MALRD1: variants seen among roughly 807,000 people sequenced by gnomAD.
MALRD1 encodes the protein MAM and LDL-receptor class A domain-containing protein 1.
In MALRD1, 247 loss-of-function variants were observed where a neutral mutation model predicts 242.1. That is an observed-to-expected ratio of 1.02 (90% CI 0.92 to 1.13). The LOEUF is 1.13. MALRD1 is among the 50% of genes most tolerant of loss of function. MALRD1 has a pLI of 0.00. For synonymous variants in MALRD1, 995 were observed against 866.6 expected (o/e 1.15, Z -2.60); for missense variants, 2,989 against 2,533.1 (o/e 1.18, Z -3.86).
intron 1 of MALRD1, among the ~76,000 whole-genome samples, chr10:19,052,353 GTTACTTTT>G (rs1834533966): frequency 2.0e-5 from 3 of 152,122 alleles, no homozygotes; most frequent in Admixed American, 2.0e-4. Flanking sequence ...TACTGTAAAT[GTTACTTTT>G]TTTTGTCCAT....
chr10:19,695,573 G>A (rs1419444567), intron 38 of MALRD1, among the ~76,000 whole-genome samples: 1 of 147,304 alleles, frequency 6.8e-6, no homozygotes, highest in Admixed American at 6.9e-5. Context: ...AGGCTGGAGT[G>A]CAGTGGCACA....
At chr10:19,427,058 T>C (rs10508584) in intron 28 of MALRD1, among the ~76,000 whole-genome samples, 29,851 of 152,164 alleles carry the variant, frequency 0.2, 3,837 homozygotes, top group African/African-American at 0.37. Flanking sequence ...AATTTTTACA[T>C]GAATTTTCTC....
At chr10:19,466,239 G>A (rs1194536573) in intron 29 of MALRD1, among the ~76,000 whole-genome samples, 2 of 151,970 alleles carry the variant, frequency 1.3e-5, no homozygotes, top group Non-Finnish European at 2.9e-5. Flanking sequence ...TTTTTTATAA[G>A]ATAATGTAAA....
At chr10:19,693,520 G>C (rs1337135118) in intron 38 of MALRD1, among the ~76,000 whole-genome samples, 1 of 152,124 alleles carries the variant, frequency 6.6e-6, no homozygotes, top group Non-Finnish European at 1.5e-5. Flanking sequence ...ACTTACAAGG[G>C]ATGTGAAGGA....
chr10:19,497,539 T>G (rs1837777492), intron 30 of MALRD1, among the ~76,000 whole-genome samples: 1 of 152,088 alleles, frequency 6.6e-6, no homozygotes, highest in South Asian at 2.1e-4. Flanking sequence ...ATATTAAAGC[T>G]TTGCTTGCTA....
chr10:19,666,706 A>G (rs1475648631), intron 36 of MALRD1, among the ~76,000 whole-genome samples: 2 of 152,220 alleles, frequency 1.3e-5, no homozygotes, highest in Admixed American at 6.5e-5. Context: ...TAGAGCAGCT[A>G]AAGTAGATGG....
intron 32 of MALRD1, among the ~76,000 whole-genome samples, chr10:19,548,290 C>T (rs1275111228): frequency 2.0e-5 from 3 of 152,020 alleles, no homozygotes; most frequent in African/African-American, 4.8e-5. Flanking sequence ...TGAACCACCA[C>T]GCCTGGCCTA....
chr10:19,453,132 A>G (rs1174546681), intron 29 of MALRD1, among the ~76,000 whole-genome samples: 1 of 152,214 alleles, frequency 6.6e-6, no homozygotes, highest in African/African-American at 2.4e-5. Context: ...GCCCTGTATT[A>G]GGAAACCAAC....
At chr10:19,124,259 C>A (rs1305987013) in intron 6 of MALRD1, among the ~76,000 whole-genome samples, 1 of 152,030 alleles carries the variant, frequency 6.6e-6, no homozygotes, top group Non-Finnish European at 1.5e-5. Flanking sequence ...GTGACACATA[C>A]AACAAAAACT....
chr10:19,272,278 T>C (rs1840285756), intron 19 of MALRD1, among the ~76,000 whole-genome samples: 1 of 152,078 alleles, frequency 6.6e-6, no homozygotes, highest in Admixed American at 6.5e-5. Context: ...AATTTTTTTT[T>C]ATTTTGAAGG....
intron 33 of MALRD1, among the ~76,000 whole-genome samples, chr10:19,588,962 C>G (rs1476151789): frequency 1.3e-5 from 2 of 152,176 alleles, no homozygotes; most frequent in Non-Finnish European, 2.9e-5. Context: ...ATTTCTTAAC[C>G]TGTTTTCTGC....
At chr10:19,643,760 C>T (rs557305917) in intron 36 of MALRD1, among the ~76,000 whole-genome samples, 6 of 152,216 alleles carry the variant, frequency 3.9e-5, no homozygotes, top group South Asian at 2.1e-4. Context: ...TTGCGTTTCC[C>T]GTTTTCTATC....
rs373377806 is a variant in MALRD1 at position 19,583,618 on chromosome 10, C to A, written c.5681-11576C>A. Among the ~76,000 whole-genome samples, 875 of 151,936 alleles carry A rather than the reference C, an allele frequency of 5.8e-3. 6 individuals are homozygous for A. Among genetic ancestry groups the A allele is most frequent in the Middle Eastern group, 0.017 (5 of 292 alleles). ...AAGCTTTTCGATGTGCTGCTGGATTCGGTTTGCCAGTATTTTATTGAGGAT... is the reference window on the plus strand; with the variant it reads ...AAGCTTTTCGATGTGCTGCTGGATTAGGTTTGCCAGTATTTTATTGAGGAT... On this transcript the variant is annotated intron_variant, in intron 33 of 39. Coordinates refer to ENST00000454679, the MANE Select transcript of MALRD1 (RefSeq NM_001142308.3).
At position 19,389,451 on chromosome 10, in the gene MALRD1, G is replaced by C; in HGVS notation, c.4688-1G>C. On this transcript the variant is annotated splice_acceptor_variant, in intron 27 of 39. Coordinates refer to ENST00000454679, the MANE Select transcript of MALRD1 (RefSeq NM_001142308.3). LOFTEE classifies it high-confidence loss of function. ...TCTCTGAATTCTGTCCTTGTTCCTA[G>C]GGCACTTCATGTATCTGGAAGCTAC... is the stretch of plus-strand genomic sequence containing the variant. 1 of 1,549,944 alleles carries C rather than the reference G, an allele frequency of 6.5e-7. No individual in the cohort carries two copies. Among genetic ancestry groups the C allele is most frequent in the Non-Finnish European group, 8.7e-7 (1 of 1,146,668 alleles).
At chr10:19,271,135 A>T (rs1052297427) in intron 19 of MALRD1, among the ~76,000 whole-genome samples, 1 of 152,316 alleles carries the variant, frequency 6.6e-6, no homozygotes, top group South Asian at 2.1e-4. Context: ...TTCTAGATAC[A>T]TAAGGAGAAA....
intron 5 of MALRD1, among the ~76,000 whole-genome samples, chr10:19,115,447 A>T (rs1190160688): frequency 2.0e-5 from 3 of 152,168 alleles, no homozygotes; most frequent in African/African-American, 7.2e-5. Flanking sequence ...TTAAAAGTAA[A>T]AAACAACTCA....
chr10:19,161,892 G>T (rs1380033548), intron 12 of MALRD1, among the ~76,000 whole-genome samples: 1 of 152,088 alleles, frequency 6.6e-6, no homozygotes, highest in East Asian at 1.9e-4. Context: ...GCTGGGCGTG[G>T]TAGCACGTGC....
intron 38 of MALRD1, among the ~76,000 whole-genome samples, chr10:19,698,915 C>T (rs554384528): frequency 6.6e-6 from 1 of 152,088 alleles, no homozygotes; most frequent in Non-Finnish European, 1.5e-5. Flanking sequence ...AAGCTGGGAA[C>T]CATTATTCTT....
chr10:19,729,721 C>CTTTTTTTTTTTTTT (rs35279728), intron 38 of MALRD1, among the ~76,000 whole-genome samples: 1 of 40,644 alleles, frequency 2.5e-5, no homozygotes, highest in Non-Finnish European at 4.2e-5. Context: ...TCTATTAATT[C>CTTTTTTTTTTTTTT]TTTTTTTTTT....
Sources: gnomAD v4.1 joint callset for allele counts (sites outside exome capture counted in the v4.1 genomes callset) on GRCh38, gnomAD v4.1.1 for gene constraint, MANE v1.5 for transcripts, NCBI Gene and HGNC (gene_info 2026-07-23, HGNC 2026-07-21) for gene names.